STK32C: variants seen among roughly 807,000 people sequenced by gnomAD.
STK32C encodes serine/threonine kinase 32C, also known as serine/threonine-protein kinase 32C.
Under a neutral mutation model 56.5 loss-of-function variants are expected in STK32C, and 31 were observed. That is an observed-to-expected ratio of 0.55 (90% CI 0.41 to 0.74). STK32C has a LOEUF of 0.74. Among genes scored for constraint, STK32C ranks in the 30% least tolerant of loss-of-function variants. The pLI, the probability that STK32C is intolerant of heterozygous loss-of-function variation, is 0.00. For missense variants in STK32C, 544 were observed against 676.9 expected (o/e 0.80, Z 2.18); for synonymous variants, 309 against 289.4 (o/e 1.07, Z -0.69).
intron 1 of STK32C, among the ~76,000 whole-genome samples, chr10:132,304,065 C>T (rs2065987632): frequency 6.6e-6 from 1 of 152,238 alleles, no homozygotes; most frequent in Admixed American, 6.5e-5. Context: ...GACCCCTTTG[C>T]CTGAGCAATG....
Position 132,225,582 on chromosome 10 carries a change from G to A in STK32C, c.717C>T (p.Thr239=). The change falls in exon 6 of 12, where the codon ACC becomes ACT. Residue 239 remains threonine, a synonymous_variant. Transcript: ENST00000298630. Reference sequence around the variant, plus strand: ...TCGCCCGCTCCCCGTCCTTGATGATGGTGGCAATGTTGAAGTCGGTCAGGT... The same window carrying A: ...TCGCCCGCTCCCCGTCCTTGATGATAGTGGCAATGTTGAAGTCGGTCAGGT... The part of the protein sequence containing the change: ...HAHLTDFNIA[T]IIKDGERATA... 6.2e-7 allele frequency: 1 copy of A among 1,613,826 alleles called. No individual in the cohort carries two copies. Among genetic ancestry groups the A allele is most frequent in the Non-Finnish European group, 8.5e-7 (1 of 1,179,880 alleles).
chr10:132,249,177 G>C, intron 1 of STK32C: 1 of 391,842 alleles, frequency 2.6e-6, no homozygotes, highest in South Asian at 1.8e-5. Flanking sequence ...GGGGCTATGG[G>C]GGTCAGGGCG....
chr10:132,295,471 G>T (rs1414090331), intron 1 of STK32C, among the ~76,000 whole-genome samples: 1 of 152,226 alleles, frequency 6.6e-6, no homozygotes, highest in African/African-American at 2.4e-5. Context: ...CTGGGACGGG[G>T]TGACCAAGAA....
At chr10:132,299,078 G>A (rs1216371858) in intron 1 of STK32C, among the ~76,000 whole-genome samples, 3 of 146,576 alleles carry the variant, frequency 2.0e-5, no homozygotes, top group East Asian at 4.0e-4. Flanking sequence ...GAGTGGAACT[G>A]AGACCCCAGC....
downstream of STK32C, among the ~76,000 whole-genome samples, chr10:132,321,024 GGTTT>G (rs2066396693): frequency 6.6e-6 from 1 of 152,174 alleles, no homozygotes; most frequent in African/African-American, 2.4e-5. Context: ...CTTGCCGTGT[GGTTT>G]GTTTGGCCAA....
intron 1 of STK32C, among the ~76,000 whole-genome samples, chr10:132,314,954 G>T (rs2066285985): frequency 6.6e-6 from 1 of 152,080 alleles, no homozygotes; most frequent in Admixed American, 6.5e-5. Context: ...GACCAACACG[G>T]AGAAACCCCA....
intron 1 of STK32C, among the ~76,000 whole-genome samples, chr10:132,296,879 C>T (rs763336421): frequency 1.7e-4 from 26 of 152,182 alleles, no homozygotes; most frequent in Non-Finnish European, 2.9e-4. Flanking sequence ...CCCTCTGGGA[C>T]GCCGAAAGCC....
downstream of STK32C, among the ~76,000 whole-genome samples, chr10:132,321,199 G>A (rs12570033): frequency 0.27 from 41,061 of 152,066 alleles, 5,965 homozygotes; most frequent in East Asian, 0.36. Context: ...TTCATGGGAG[G>A]CACATGGTGA....
At chr10:132,218,131 T>C (rs200072352) in intron 10 of STK32C, among the ~76,000 whole-genome samples, 2 of 152,054 alleles carry the variant, frequency 1.3e-5, no homozygotes, top group South Asian at 2.1e-4. Flanking sequence ...CTGGACAACA[T>C]AGTGAGACCC....
chr10:132,323,325 G>C (rs1346832954), downstream of STK32C, among the ~76,000 whole-genome samples: 1 of 152,142 alleles, frequency 6.6e-6, no homozygotes, highest in Non-Finnish European at 1.5e-5. This position sits in a 1 kb window ranked among gnomAD's most constrained non-coding sequence, Gnocchi z 4.8. Context: ...TGGCTTCCTG[G>C]TCACCCATCC....
chr10:132,228,149 C>T (rs374018078), intron 2 of STK32C, 21 bp from the exon 3 acceptor site: 133 of 1,613,672 alleles, frequency 8.2e-5, no homozygotes, highest in Non-Finnish European at 7.5e-5. Context: ...CAGGGCTGTT[C>T]GGCAGGACGC....
chr10:132,224,076 G>C (rs374557195), intron 8 of STK32C, among the ~76,000 whole-genome samples: 70 of 150,776 alleles, frequency 4.6e-4, no homozygotes, highest in African/African-American at 1.7e-3. Flanking sequence ...CGTGGGACAA[G>C]GGGACGTGGC....
At chr10:132,211,941 G>C (rs1363754699) in intron 10 of STK32C, among the ~76,000 whole-genome samples, 1 of 152,056 alleles carries the variant, frequency 6.6e-6, no homozygotes, top group Non-Finnish European at 1.5e-5. Context: ...AACTGGACCA[G>C]GAATCCCCAT....
intron 2 of STK32C, among the ~76,000 whole-genome samples, chr10:132,237,229 T>G (rs1050249695): frequency 2.0e-5 from 3 of 152,074 alleles, no homozygotes; most frequent in African/African-American, 7.2e-5. Context: ...GCTCACAGGC[T>G]GGGCCCCTCT....
intron 1 of STK32C, among the ~76,000 whole-genome samples, chr10:132,269,219 G>A (rs1281186925): frequency 2.1e-5 from 3 of 142,272 alleles, no homozygotes; most frequent in Middle Eastern, 3.7e-3. Context: ...GCCTGTGGGT[G>A]CAGCTCTGTG....
At chr10:132,282,613 A>G (rs2065250100) in intron 1 of STK32C, among the ~76,000 whole-genome samples, 1 of 152,216 alleles carries the variant, frequency 6.6e-6, no homozygotes, top group Admixed American at 6.5e-5. Context: ...CATACTAAAC[A>G]CTACACTGAA....
intron 1 of STK32C, among the ~76,000 whole-genome samples, chr10:132,305,700 C>T (rs932714126): frequency 6.6e-6 from 1 of 152,228 alleles, no homozygotes; most frequent in African/African-American, 2.4e-5. Flanking sequence ...CTCAGAGGTG[C>T]AGAACATTCT....
At chr10:132,317,906 A>G (rs1459392052) in intron 1 of STK32C, among the ~76,000 whole-genome samples, 1 of 143,788 alleles carries the variant, frequency 7.0e-6, no homozygotes, top group African/African-American at 2.6e-5. Flanking sequence ...TGAACCCAGG[A>G]GGCAAAGGTT....
chr10:132,222,342 G>GTC (rs999369073), intron 10 of STK32C, among the ~76,000 whole-genome samples: 1 of 147,842 alleles, frequency 6.8e-6, no homozygotes, highest in African/African-American at 2.5e-5. Context: ...TCACATAGCC[G>GTC]TCCCCGCACA....
Sources: gnomAD v4.1 joint callset for allele counts (sites outside exome capture counted in the v4.1 genomes callset) on GRCh38, gnomAD v4.1.1 for gene constraint, Gnocchi (gnomAD v3.1) non-coding constraint, MANE v1.5 for transcripts, NCBI Gene and HGNC (gene_info 2026-07-23, HGNC 2026-07-21) for gene names.